Variants in STRN observed in about 807,000 individuals in gnomAD.
STRN encodes the protein protein phosphatase 2 regulatory subunit B'''alpha.
Under a neutral mutation model 96.3 loss-of-function variants are expected in STRN, and 53 were observed. The observed-to-expected ratio is 0.55, with a 90% CI of 0.44 to 0.69. The LOEUF (loss-of-function observed/expected upper bound fraction) is 0.69, where lower values mean the gene tolerates loss of function less well. Ranked by LOEUF, STRN falls within the 30% of genes least tolerant of loss-of-function variation. The pLI, the probability that STRN is intolerant of heterozygous loss-of-function variation, is 0.00. For missense variants in STRN, 987 were observed against 963.9 expected, an observed-to-expected ratio of 1.02 and a Z score of -0.32; for synonymous variants, 428 against 355.9, an observed-to-expected ratio of 1.20 and a Z score of -2.28.
At chr2:36,935,910 C>T (rs564777443) in intron 1 of STRN, among the ~76,000 whole-genome samples, 4 of 151,666 alleles carry the variant, frequency 2.6e-5, no homozygotes, top group African/African-American at 9.7e-5. Context: ...GTTTTTTTGC[C>T]TATACAAAGG....
chr2:36,852,321 C>T (rs1302943476), intron 15 of STRN, among the ~76,000 whole-genome samples: 1 of 151,976 alleles, frequency 6.6e-6, no homozygotes, highest in Non-Finnish European at 1.5e-5. Flanking sequence ...AATTATGGTC[C>T]AGGGAGAGGA....
chr2:36,858,414 C>T (rs1361626491), intron 13 of STRN, among the ~76,000 whole-genome samples: 1 of 152,212 alleles, frequency 6.6e-6, no homozygotes, highest in Non-Finnish European at 1.5e-5. Flanking sequence ...CTCTCCCTCT[C>T]TGAAGTCCCT....
In STRN at chr2:36,838,824, A is replaced by T. The variant is rs1256507840; in HGVS notation, c.*10632T>A. ...TAAGAGCTATGATAGACTTAGAGAA[A>T]TTCTCATCCTACATTGTTAAATGAG... On this transcript the variant is annotated 3_prime_UTR_variant, in exon 18 of 18. Coordinates refer to ENST00000263918, the MANE Select transcript of STRN (RefSeq NM_003162.4). 6.6e-6 allele frequency among the ~76,000 whole-genome samples: 1 copy of T among 152,200 alleles called. No homozygotes were observed. Among genetic ancestry groups the T allele is most frequent in the African/African-American group, 2.4e-5 (1 of 41,446 alleles).
chr2:36,959,099 C>A (rs542381063), intron 1 of STRN, among the ~76,000 whole-genome samples: 1 of 152,084 alleles, frequency 6.6e-6, no homozygotes, highest in African/African-American at 2.4e-5. Flanking sequence ...CTGGGCGACA[C>A]AGCTAGACTC....
In STRN at chr2:36,966,234, A is replaced by C. The variant is rs749384239; in HGVS notation, c.230T>G (p.Leu77Arg). 6.4e-7 allele frequency: 1 copy of C among 1,566,968 alleles called. No homozygotes were observed. Among genetic ancestry groups the C allele is most frequent in the Non-Finnish European group, 8.6e-7 (1 of 1,158,776 alleles). The change falls in exon 1 of 18, where the codon CTG (leucine) becomes CGG (arginine). Residue 77 changes from leucine to arginine, a missense_variant. By Grantham distance (102) the Leu-to-Arg change is moderately radical (BLOSUM62 -2). Transcript: ENST00000263918. ...RAQWEVERAE[L>R]QAQIAFLQGE... ...CCAGGCCGGGAGGGTCTTTACCTGCAGCTCCGCCCGCTCCACCTCCCACTG... is the reference window on the plus strand; with the variant it reads ...CCAGGCCGGGAGGGTCTTTACCTGCCGCTCCGCCCGCTCCACCTCCCACTG...
chr2:36,922,718 T>C (rs933630488), intron 2 of STRN, among the ~76,000 whole-genome samples: 6 of 152,114 alleles, frequency 3.9e-5, no homozygotes, highest in Non-Finnish European at 5.9e-5. Context: ...CACACCAAAC[T>C]GCTTTGTTCC....
rs563619801 is a variant in STRN at position 36,857,851 on chromosome 2, T to C, written c.1837+5A>G. Reference sequence around the variant, plus strand: ...TTCAGCAAAATAATTTTTTAAAGTATGTACCTTTAGTATCATTAAATACAC... The same window carrying C: ...TTCAGCAAAATAATTTTTTAAAGTACGTACCTTTAGTATCATTAAATACAC... On this transcript the variant is annotated splice_donor_5th_base_variant and intron_variant, in intron 14 of 17. Transcript: ENST00000263918. The C allele has an allele frequency of 1.1e-4, 172 of 1,608,648 alleles. 1 individual carries two copies. In the East Asian group the frequency reaches 3.5e-3, roughly 33 times the overall value.
intron 3 of STRN, among the ~76,000 whole-genome samples, chr2:36,907,962 G>C (rs1669865934): frequency 6.6e-6 from 1 of 151,946 alleles, no homozygotes; most frequent in African/African-American, 2.4e-5. Context: ...TAATTACTCT[G>C]TGATAACTTC....
At chr2:36,851,156 T>A (rs1572620640) in intron 15 of STRN, 49 bp from the exon 16 acceptor site, 1 of 1,487,408 alleles carries the variant, frequency 6.7e-7, no homozygotes, top group African/African-American at 1.4e-5. Flanking sequence ...AAGATATTTT[T>A]CACACAAAGG....
At chr2:36,875,487 C>G (rs1405504500) in intron 10 of STRN, among the ~76,000 whole-genome samples, 2 of 111,902 alleles carry the variant, frequency 1.8e-5, no homozygotes, top group Non-Finnish European at 3.3e-5. Flanking sequence ...TCCTGGGCAG[C>G]AGAGTGAGAC....
intron 13 of STRN, among the ~76,000 whole-genome samples, chr2:36,859,110 C>T (rs569940175): frequency 6.6e-6 from 1 of 152,278 alleles, no homozygotes; most frequent in South Asian, 2.1e-4. Flanking sequence ...GGGATGAGGG[C>T]ATCTAGTTTA....
intron 4 of STRN, among the ~76,000 whole-genome samples, chr2:36,904,834 A>C (rs201573998): frequency 6.7e-6 from 1 of 148,770 alleles, no homozygotes; most frequent in African/African-American, 2.5e-5. Flanking sequence ...TCTCAAATGA[A>C]TGACTGAATG....
intron 1 of STRN, among the ~76,000 whole-genome samples, chr2:36,945,596 G>A (rs982313152): frequency 6.6e-6 from 1 of 151,970 alleles, no homozygotes; most frequent in African/African-American, 2.4e-5. Flanking sequence ...GAACCAAGAG[G>A]CAGAGTTGCA....
At position 36,858,008 on chromosome 2, in the gene STRN, C is replaced by T. The variant is rs1388297865; in HGVS notation, c.1685G>A (p.Arg562Gln). 6 of 1,602,272 alleles carry T rather than the reference C, an allele frequency of 3.7e-6. No homozygotes were observed. The highest frequency in any genetic ancestry group is 2.2e-5 in the East Asian group (1 of 44,658). Residue 562 changes from arginine to glutamine, a missense_variant, in exon 14 of 18, where the codon CGA becomes CAA. Arg to Gln is a conservative substitution (Grantham distance 43, BLOSUM62 1). Transcript: ENST00000263918. ...PYDSYDPSVLRGPLLGHTDAV... is the reference protein window; with the variant it reads ...PYDSYDPSVLQGPLLGHTDAV... ...ATCCGTGTGGCCTAGCAGAGGGCCT[C>T]GTAAAACAGAAGGATCTATACAAAA...
intron 1 of STRN, among the ~76,000 whole-genome samples, chr2:36,945,825 G>A (rs1242919827): frequency 3.9e-5 from 6 of 152,086 alleles, no homozygotes; most frequent in Non-Finnish European, 5.9e-5. Flanking sequence ...ATCAATTCAC[G>A]AAATTCAACA....
rs1669864327 is a variant in STRN at position 36,907,889 on chromosome 2, A to C, written c.413-2271T>G. Among the ~76,000 whole-genome samples, 3 of 152,320 alleles carry C rather than the reference A, an allele frequency of 2.0e-5. No homozygotes were observed. The South Asian group carries it at 6.2e-4, about 32-fold the overall frequency. ...ACTAGGCTTAGTTCTGTGATATACC[A>C]AAGAAACAGACTGGAAAGGCAGGTA... On this transcript the variant is annotated intron_variant, in intron 3 of 17. Coordinates refer to ENST00000263918, the MANE Select transcript of STRN (RefSeq NM_003162.4).
In STRN at chr2:36,855,279, T is replaced by G. The variant is rs952127000; in HGVS notation, c.1911A>C (p.Gly637=). Residue 637 remains glycine (G), a synonymous_variant, in exon 15 of 18, where the codon GGA becomes GGC. Coordinates refer to ENST00000263918, the MANE Select transcript of STRN (RefSeq NM_003162.4). ...PSHMVASFSK[G]YTSIFNMETQ... The stretch of plus-strand genomic sequence containing the variant: ...TTTCCATGTTAAAAATGCTTGTATA[T>G]CCCTTGCTGAATGATGCTACCATAT... 1 of 1,613,868 alleles carries G rather than the reference T, an allele frequency of 6.2e-7. No individual in the cohort carries two copies. Among genetic ancestry groups the G allele is most frequent in the African/African-American group, 1.3e-5 (1 of 74,918 alleles).
chr2:36,889,480 GT>G (rs2148182442), intron 7 of STRN, among the ~76,000 whole-genome samples: 1 of 152,092 alleles, frequency 6.6e-6, no homozygotes, highest in African/African-American at 2.4e-5. Flanking sequence ...ATGTCTTCAG[GT>G]TTTTGAAGTT....
intron 7 of STRN, among the ~76,000 whole-genome samples, chr2:36,887,534 A>G (rs888378585): frequency 2.6e-5 from 4 of 151,932 alleles, no homozygotes; most frequent in African/African-American, 9.7e-5. Context: ...GACTAACACA[A>G]AAAGACTTTG....
Sources: gnomAD v4.1 joint callset for allele counts (sites outside exome capture counted in the v4.1 genomes callset) on GRCh38, gnomAD v4.1.1 for gene constraint, MANE v1.5 for transcripts, NCBI Gene and HGNC (gene_info 2026-07-23, HGNC 2026-07-21) for gene names.